BEST4: variants seen among roughly 807,000 people sequenced by gnomAD.
BEST4 encodes bestrophin 4.
BEST4 carries 36 observed loss-of-function variants against 47.1 expected under a neutral mutation model. That is an observed-to-expected ratio of 0.76 (90% confidence interval 0.59 to 1.01). BEST4 has a LOEUF of 1.01. BEST4 is among the 50% of genes least tolerant of loss of function. The pLI is 0.00. For synonymous variants in BEST4, 250 were observed against 277.8 expected (o/e 0.90, Z 1.00); for missense variants, 550 against 648.6 (o/e 0.85, Z 1.65).
At chr1:44,788,890 A>G (rs1232528025), upstream of BEST4, among the ~76,000 whole-genome samples, 1 of 152,190 alleles carries the variant, frequency 6.6e-6, no homozygotes, top group Non-Finnish European at 1.5e-5. Context: ...CCTGACTCCT[A>G]GGGGTGCCCA....
rs968535949 is a variant in BEST4 at position 44,785,523 on chromosome 1, C to G, written c.714+76G>C. 1.0e-5 allele frequency: 14 copies of G among 1,395,746 alleles called. No homozygotes were observed. In the African/African-American group the frequency reaches 1.9e-4, roughly 19 times the overall value. The allele number at this position is 1,395,746 out of a possible 1,614,324, so 86.5% of individuals were successfully genotyped here. ...ACTGAAATGGCCAGGCAAGTACCAT[C>G]GCTAATTCTTCTCATCTCACACACA... On this transcript the variant is annotated intron_variant, in intron 5 of 8. Coordinates refer to ENST00000372207, the MANE Select transcript of BEST4 (RefSeq NM_153274.3).
chr1:44,785,436 G>A, intron 5 of BEST4, 131 bp from the exon 6 acceptor site: 1 of 1,238,356 alleles, frequency 8.1e-7, no homozygotes, highest in Middle Eastern at 2.1e-4. Flanking sequence ...GTACCAGTGG[G>A]GACAGGGTCA....
In BEST4 at chr1:44,786,324, C is replaced by T; in HGVS notation, c.482-96G>A. The T allele has an allele frequency of 1.3e-6, 2 of 1,486,782 alleles. No homozygotes were observed. Among genetic ancestry groups the T allele is most frequent in the Non-Finnish European group, 1.8e-6 (2 of 1,108,214 alleles). The allele number at this position is 1,486,782 out of a possible 1,614,324, so 92.1% of individuals were successfully genotyped here. The stretch of plus-strand genomic sequence containing the variant: ...GGCTCCCCTCCCTCGCGTCCACCGG[C>T]TGTCCCAGGACTCGCGGTTCCGCGT... On this transcript the variant is annotated intron_variant, in intron 3 of 8. Coordinates refer to ENST00000372207, the MANE Select transcript of BEST4 (RefSeq NM_153274.3). The surrounding 1 kb of genome is among the most constrained non-coding windows in gnomAD (Gnocchi z 4.9).
chr1:44,790,778 G>A (rs114917451), upstream of BEST4, among the ~76,000 whole-genome samples: 10,309 of 151,938 alleles, frequency 0.068, 1,209 homozygotes, highest in African/African-American at 0.24. Context: ...TGGGTGTGGT[G>A]GTGTGTGCCT....
rs1198712073 is a variant in BEST4 at position 44,786,150 on chromosome 1, C to G, written c.560G>C (p.Trp187Ser). 1 of 1,614,016 alleles carries G rather than the reference C, an allele frequency of 6.2e-7. No individual in the cohort carries two copies. The highest frequency in any genetic ancestry group is 8.5e-7 in the Non-Finnish European group (1 of 1,180,016). ...DFNKYWVPCV[W>S]FTNLAAQARR... Reference sequence around the variant, plus strand: ...GGCCTGGGCCGCCAGGTTGGTGAACCAGACGCAGGGGACCCAGTACTTGTT... The same window carrying G: ...GGCCTGGGCCGCCAGGTTGGTGAACGAGACGCAGGGGACCCAGTACTTGTT... The change falls in exon 4 of 9, where the codon TGG becomes TCG. Residue 187 changes from tryptophan (W) to serine (S), a missense_variant. By Grantham distance (177) the Trp-to-Ser change is radical (BLOSUM62 -3). Transcript: ENST00000372207. The surrounding 1 kb of genome is among the most constrained non-coding windows in gnomAD (Gnocchi z 4.9).
chr1:44,784,670 C>A lies in BEST4; in HGVS notation c.1107G>T (p.Glu369Asp). The A allele has an allele frequency of 2.5e-6, 4 of 1,613,312 alleles. No homozygotes were observed. Among genetic ancestry groups the A allele is most frequent in the Non-Finnish European group, 3.4e-6 (4 of 1,179,798 alleles). The change falls in exon 8 of 9, where the codon GAG becomes GAT. Residue 369 changes from glutamate to aspartate, a missense_variant. Physicochemically the swap from Glu to Asp is conservative, Grantham distance 45 (BLOSUM62 2). Transcript: ENST00000372207. The surrounding 1 kb of genome is among the most constrained non-coding windows in gnomAD (Gnocchi z 6.2). ...AGCCCAGGAATGAGGGCCGCAGAGA[C>A]TCGGCCGCCGTGGCCACAGTGTAGG... ...QPPYTVATAAESLRPSFLGST... is the reference protein window; with the variant it reads ...QPPYTVATAADSLRPSFLGST...
Position 44,783,665 on chromosome 1 carries a change from C to G in BEST4, c.*545G>C, listed in dbSNP as rs1390743594. 1.3e-5 allele frequency: 2 copies of G among 152,544 alleles called. No individual in the cohort carries two copies. The highest frequency in any genetic ancestry group is 2.4e-5 in the African/African-American group (1 of 41,454). 9.4% of individuals were successfully genotyped at this position (152,544 alleles called of 1,614,324 possible). ...CAAGGCAAAAGTCCCCCAGCACACA[C>G]TGACCCTTCTTTTGAGTAAGGTTAC... On this transcript the variant is annotated 3_prime_UTR_variant, in exon 9 of 9. Coordinates refer to ENST00000372207, the MANE Select transcript of BEST4 (RefSeq NM_153274.3).
Position 44,786,598 on chromosome 1 carries a change from C to G in BEST4, c.346G>C (p.Gly116Arg). The change falls in exon 3 of 9, where the codon GGC becomes CGC. Residue 116 changes from glycine to arginine, a missense_variant. By Grantham distance (125) the Gly-to-Arg change is moderately radical. Transcript: ENST00000372207. This position sits in a 1 kb window ranked among gnomAD's most constrained non-coding sequence, Gnocchi z 4.9. ...LMCVISASVHGVDQRGRLLRR... is the reference protein window; with the variant it reads ...LMCVISASVHRVDQRGRLLRR... The stretch of plus-strand genomic sequence containing the variant: ...AGCAGGCGGCCCCGCTGGTCCACGC[C>G]GTGCACGCTAGCCGAGATGACGCAC... 2 of 1,551,056 alleles carry G rather than the reference C, an allele frequency of 1.3e-6. No homozygotes were observed. The highest frequency in any genetic ancestry group is 1.7e-6 in the Non-Finnish European group (2 of 1,147,002).
At position 44,784,196 on chromosome 1, in the gene BEST4, G is replaced by C. The variant is rs1441898528; in HGVS notation, c.*14C>G. The C allele has an allele frequency of 2.1e-6, 3 of 1,402,296 alleles. No individual in the cohort carries two copies. In the African/African-American group the frequency reaches 4.5e-5, roughly 21 times the overall value. 86.9% of individuals were successfully genotyped at this position (1,402,296 alleles called of 1,614,324 possible). ...GCAGTGGGTGGGGGAAACCGGGCGG[G>C]GGCAGGCGAGACCTCAGGGCTCCAG... is the stretch of plus-strand genomic sequence containing the variant. On this transcript the variant is annotated 3_prime_UTR_variant, in exon 9 of 9. Transcript: ENST00000372207. The surrounding 1 kb of genome is among the most constrained non-coding windows in gnomAD (Gnocchi z 6.2).
rs148576399 is a variant in BEST4, at chr1:44,787,554, C to T, written c.152G>A (p.Arg51Gln). Residue 51 changes from arginine (R) to glutamine (Q), a missense_variant and splice_region_variant, in exon 1 of 9, where the codon CGG becomes CAG. This residue lies in a region of BEST4 where 291 missense variants were observed against 342.4 expected (regional missense o/e 0.85). Coordinates refer to ENST00000372207, the MANE Select transcript of BEST4 (RefSeq NM_153274.3). ...ALYAVLSITY[R>Q]LLLTQEQRYV... is the part of the protein sequence containing the mutation. ...GCCAGCTCTAAGACCCTGCCCTTACCGGTAGGTGATGCTAAGCACAGCGTA... is the reference window on the plus strand; with the variant it reads ...GCCAGCTCTAAGACCCTGCCCTTACTGGTAGGTGATGCTAAGCACAGCGTA... 3.3e-5 allele frequency: 54 copies of T among 1,613,986 alleles called. No homozygotes were observed. The highest frequency in any genetic ancestry group is 5.0e-5 in the Admixed American group (3 of 59,988).
chr1:44,782,544 TG>T (rs1651071548), downstream of BEST4, among the ~76,000 whole-genome samples: 1 of 151,994 alleles, frequency 6.6e-6, no homozygotes, highest in Non-Finnish European at 1.5e-5. Flanking sequence ...GCAGGAGAAT[TG>T]CTTGAACCCA....
chr1:44,787,308 A>C, intron 2 of BEST4, 64 bp downstream of exon 2: 1 of 1,546,106 alleles, frequency 6.5e-7, no homozygotes. Flanking sequence ...GGAGCTGTCA[A>C]CCCAACCCAG....
At position 44,784,555 on chromosome 1, in the gene BEST4, G is replaced by A. The variant is rs749013433; in HGVS notation, c.1149-72C>T. The stretch of plus-strand genomic sequence containing the variant: ...GGACGCGGGATCGGCTCTCGGGGAA[G>A]GACCGAGGCATCGGTGCCCCAGAGG... On this transcript the variant is annotated intron_variant, in intron 8 of 8. Coordinates refer to ENST00000372207, the MANE Select transcript of BEST4 (RefSeq NM_153274.3). This position sits in a 1 kb window ranked among gnomAD's most constrained non-coding sequence, Gnocchi z 6.2. The A allele has an allele frequency of 6.5e-7, 1 of 1,537,150 alleles. No homozygotes were observed. The highest frequency in any genetic ancestry group is 1.2e-5 in the South Asian group (1 of 81,964).
chr1:44,782,648 A>ATAAG (rs980579705), downstream of BEST4, among the ~76,000 whole-genome samples: 6 of 128,960 alleles, frequency 4.7e-5, no homozygotes, highest in African/African-American at 3.0e-4. Context: ...AAATAAATAA[A>ATAAG]TAAATAAATA....
downstream of BEST4, chr1:44,783,527 A>C (rs896994818): frequency 6.6e-6 from 1 of 152,192 alleles, no homozygotes; most frequent in Non-Finnish European, 1.5e-5. Flanking sequence ...AATTTTAAAC[A>C]ATTATAACTG....
Position 44,786,216 on chromosome 1 carries a change from T to G in BEST4, c.494A>C (p.Gln165Pro), listed in dbSNP as rs757722278. The G allele has an allele frequency of 1.2e-6, 2 of 1,613,134 alleles. No individual in the cohort carries two copies. Among genetic ancestry groups the G allele is most frequent in the South Asian group, 2.2e-5 (2 of 90,986 alleles). ...GCTCTCAAACTTTTTCCTCTCTTCC[T>G]GGGACATGAAACCTGAGGGGGTAAA... ...EHVVDAGFMSQEERKKFESLK... is the reference protein window; with the variant it reads ...EHVVDAGFMSPEERKKFESLK... The change falls in exon 4 of 9, where the codon CAG becomes CCG. Residue 165 changes from glutamine to proline, a missense_variant. Gln to Pro is a moderately conservative substitution (Grantham distance 76). Around this residue, in one of 3 missense-constraint regions of BEST4, gnomAD observed 291 missense variants for 342.4 expected, o/e 0.85. Transcript: ENST00000372207. This position sits in a 1 kb window ranked among gnomAD's most constrained non-coding sequence, Gnocchi z 4.9.
At chr1:44,789,562 G>T (rs1223610705), upstream of BEST4, among the ~76,000 whole-genome samples, 1 of 152,084 alleles carries the variant, frequency 6.6e-6, no homozygotes, top group Non-Finnish European at 1.5e-5. Context: ...GCTGAGCATG[G>T]TGGCACATGC....
upstream of BEST4, among the ~76,000 whole-genome samples, chr1:44,789,214 C>T (rs1352329698): frequency 3.7e-5 from 5 of 136,908 alleles, no homozygotes; most frequent in Non-Finnish European, 6.1e-5. Flanking sequence ...GAGTTGAGAT[C>T]GTGCCACTGC....
At chr1:44,789,994 T>TA (rs1175395232), upstream of BEST4, among the ~76,000 whole-genome samples, 1 of 152,246 alleles carries the variant, frequency 6.6e-6, no homozygotes, top group Non-Finnish European at 1.5e-5. Context: ...GCAAGTTACC[T>TA]AATCTCTCTG....
Sources: allele counts gnomAD v4.1 joint callset (sites outside exome capture counted in the v4.1 genomes callset), GRCh38; gene constraint gnomAD v4.1.1; regional missense constraint gnomAD v4.1.1; non-coding constraint Gnocchi (gnomAD v3.1); transcripts MANE v1.5; gene names NCBI Gene and HGNC (gene_info 2026-07-23, HGNC 2026-07-21).